ATRNL1: variants seen among roughly 807,000 people sequenced by gnomAD.
ATRNL1 encodes attractin like 1.
A neutral mutation model predicts 182.7 loss-of-function variants in ATRNL1; 95 were observed. The ratio of observed to expected loss-of-function variants is 0.52; its 90% CI spans 0.44 to 0.62. ATRNL1 has a LOEUF of 0.62. ATRNL1 is among the 20% of genes least tolerant of loss of function. The pLI is 0.00. For synonymous variants in ATRNL1, 576 were observed against 568.3 expected, an observed-to-expected ratio of 1.01 and a Z score of -0.19; for missense variants, 1,471 against 1,679.5, an observed-to-expected ratio of 0.88 and a Z score of 2.17.
chr10:115,097,023 C>T (rs1185433074), intron 1 of ATRNL1, among the ~76,000 whole-genome samples: 2 of 151,960 alleles, frequency 1.3e-5, no homozygotes, highest in Non-Finnish European at 2.9e-5. Context: ...ATTTGAATGA[C>T]GTTCTCTTTT....
At position 115,461,976 on chromosome 10, in the gene ATRNL1, T is replaced by C. The variant is rs575249971; in HGVS notation, c.3358T>C (p.Leu1120=). 1 of 1,611,434 alleles carries C rather than the reference T, an allele frequency of 6.2e-7. No homozygotes were observed. The highest frequency in any genetic ancestry group is 1.7e-5 in the Admixed American group (1 of 59,812). The part of the protein sequence containing the change: ...LLIDYQFTFS[L]LQEDDRHHTA... ...GATTGATTATCAATTTACCTTCAGC[T>C]TATTACAGGAAGATGATCGCCACCA... is the stretch of plus-strand genomic sequence containing the variant. Residue 1120 remains leucine, a synonymous_variant, in exon 22 of 29, where the codon TTA becomes CTA. Transcript: ENST00000355044.
chr10:115,522,174 T>A (rs1250020636), intron 25 of ATRNL1, among the ~76,000 whole-genome samples: 11 of 152,306 alleles, frequency 7.2e-5, no homozygotes, highest in African/African-American at 2.6e-4. Flanking sequence ...TTTAGTTTGT[T>A]TGTATTGCTG....
At chr10:115,831,810 G>A (rs1233730337) in intron 27 of ATRNL1, among the ~76,000 whole-genome samples, 1 of 149,020 alleles carries the variant, frequency 6.7e-6, no homozygotes, top group Non-Finnish European at 1.5e-5. Context: ...TTTGTCAATT[G>A]TTAGGTGCTT....
intron 8 of ATRNL1, among the ~76,000 whole-genome samples, chr10:115,195,376 T>G (rs1445041644): frequency 2.6e-5 from 4 of 152,118 alleles, no homozygotes; most frequent in Admixed American, 2.6e-4. Flanking sequence ...TGGATATATA[T>G]AACTTTCTAG....
At chr10:115,324,698 G>T (rs987460296) in intron 18 of ATRNL1, among the ~76,000 whole-genome samples, 2 of 152,130 alleles carry the variant, frequency 1.3e-5, no homozygotes, top group Non-Finnish European at 2.9e-5. Context: ...AGCTTGTGAT[G>T]TGTTTTAATA....
intron 28 of ATRNL1, among the ~76,000 whole-genome samples, chr10:115,910,652 C>T (rs1311220561): frequency 6.6e-6 from 1 of 152,142 alleles, no homozygotes; most frequent in Non-Finnish European, 1.5e-5. Flanking sequence ...ACAGAATTTT[C>T]CTACAGACTT....
chr10:115,746,697 A>G (rs1466540484), intron 27 of ATRNL1, among the ~76,000 whole-genome samples: 2 of 152,032 alleles, frequency 1.3e-5, no homozygotes, highest in African/African-American at 4.8e-5. Context: ...GCTCAGCTGA[A>G]GTGCATAACA....
chr10:115,799,516 C>T (rs1949741317), intron 27 of ATRNL1, among the ~76,000 whole-genome samples: 1 of 152,164 alleles, frequency 6.6e-6, no homozygotes, highest in Non-Finnish European at 1.5e-5. Flanking sequence ...ATCAGGCCAA[C>T]AAAACATTCA....
chr10:115,686,220 A>G (rs1946215048), intron 26 of ATRNL1, among the ~76,000 whole-genome samples: 1 of 152,016 alleles, frequency 6.6e-6, no homozygotes, highest in Admixed American at 6.6e-5. Context: ...GCCACACTGT[A>G]AGCAAAAAGT....
At chr10:115,639,731 A>G (rs1555029543) in intron 26 of ATRNL1, among the ~76,000 whole-genome samples, 2 of 152,206 alleles carry the variant, frequency 1.3e-5, no homozygotes, top group African/African-American at 4.8e-5. Context: ...AGATTCCTAA[A>G]GTATGTTAAA....
At chr10:115,524,112 T>C (rs1851090724) in intron 25 of ATRNL1, among the ~76,000 whole-genome samples, 1 of 151,982 alleles carries the variant, frequency 6.6e-6, no homozygotes, top group African/African-American at 2.4e-5. Context: ...AGACAGAAGT[T>C]CCAGACTCTT....
At chr10:115,119,656 TGTAAA>T (rs1844642047) in intron 1 of ATRNL1, among the ~76,000 whole-genome samples, 1 of 152,048 alleles carries the variant, frequency 6.6e-6, no homozygotes, top group South Asian at 2.1e-4. Flanking sequence ...TTGGACTAGA[TGTAAA>T]GTAGACAGGA....
chr10:115,662,880 A>G (rs1396162328), intron 26 of ATRNL1, among the ~76,000 whole-genome samples: 1 of 152,098 alleles, frequency 6.6e-6, no homozygotes, highest in Non-Finnish European at 1.5e-5. Flanking sequence ...CATATGTTCA[A>G]AGTACTTAAG....
At chr10:115,540,957 G>T (rs892142117) in intron 25 of ATRNL1, among the ~76,000 whole-genome samples, 1 of 151,898 alleles carries the variant, frequency 6.6e-6, no homozygotes, top group Non-Finnish European at 1.5e-5. Flanking sequence ...TAGGAGGAAA[G>T]GTAAAAACAA....
At chr10:115,519,979 A>C (rs1284981108) in intron 25 of ATRNL1, among the ~76,000 whole-genome samples, 3 of 152,156 alleles carry the variant, frequency 2.0e-5, no homozygotes, top group African/African-American at 7.2e-5. Context: ...TTAAGTTATA[A>C]AATATCTGTG....
chr10:115,241,524 G>A, intron 9 of ATRNL1, 47 bp from the exon 10 acceptor site: 1 of 1,329,678 alleles, frequency 7.5e-7, no homozygotes, highest in Non-Finnish European at 1.1e-6. Context: ...TAAAATCAGG[G>A]AGGTCATTTT....
In ATRNL1 at chr10:115,258,859, C is replaced by G. The variant is rs35345050; in HGVS notation, c.1688-6334C>G. On this transcript the variant is annotated intron_variant, in intron 10 of 28. Coordinates refer to ENST00000355044, the MANE Select transcript of ATRNL1 (RefSeq NM_207303.4). ...TCTTTTCTGTTTGTTAGTTTTTCTT[C>G]TAACAGTCAGGTCCCTCAGCTGCAA... Among the ~76,000 whole-genome samples the G allele has an allele frequency of 4.2e-3, 636 of 152,286 alleles. 3 individuals carry two copies. Among genetic ancestry groups the G allele is most frequent in the Middle Eastern group, 6.8e-3 (2 of 294 alleles).
chr10:115,667,038 A>G (rs1206207180), intron 26 of ATRNL1, among the ~76,000 whole-genome samples: 1 of 152,136 alleles, frequency 6.6e-6, no homozygotes, highest in Non-Finnish European at 1.5e-5. Flanking sequence ...CAGCTTTTAT[A>G]TGAATATGTA....
intron 1 of ATRNL1, among the ~76,000 whole-genome samples, chr10:115,095,384 A>G (rs1179077708): frequency 6.7e-6 from 1 of 149,962 alleles, no homozygotes; most frequent in Non-Finnish European, 1.5e-5. Flanking sequence ...TTAAAAAAAA[A>G]CTTACTATTA....
Sources: allele counts gnomAD v4.1 joint callset (sites outside exome capture counted in the v4.1 genomes callset), GRCh38; gene constraint gnomAD v4.1.1; transcripts MANE v1.5; gene names NCBI Gene and HGNC (gene_info 2026-07-23, HGNC 2026-07-21).